Variants in ZBBX observed in about 807,000 individuals in gnomAD.
ZBBX encodes the protein zinc finger B-box domain containing.
ZBBX carries 101 observed loss-of-function variants against 108.5 expected under a neutral mutation model. The ratio of observed to expected loss-of-function variants is 0.93; its 90% CI spans 0.79 to 1.10. ZBBX has a LOEUF of 1.10. Ranked by LOEUF, ZBBX falls within the 50% of genes least tolerant of loss-of-function variation. The pLI is 0.00. For synonymous variants in ZBBX, 356 were observed against 323.4 expected, an observed-to-expected ratio of 1.10 and a Z score of -1.08; for missense variants, 1,009 against 941.4, an observed-to-expected ratio of 1.07 and a Z score of -0.94.
At chr3:167,248,185 T>C (rs1193954539) in intron 20 of ZBBX, among the ~76,000 whole-genome samples, 1 of 152,146 alleles carries the variant, frequency 6.6e-6, no homozygotes, top group Non-Finnish European at 1.5e-5. Context: ...TCCCTAGGCA[T>C]GCCAGCAGCA....
At chr3:167,204,577 T>C in the ZBBX span, among the ~76,000 whole-genome samples, 2 of 146,056 alleles carry the variant, frequency 1.4e-5, no homozygotes, top group Non-Finnish European at 3.1e-5. Context: ...GAACTCATCA[T>C]TTTTTATGGC....
intron 5 of ZBBX, among the ~76,000 whole-genome samples, chr3:167,367,075 G>A (rs150554239): frequency 4.6e-5 from 7 of 151,964 alleles, no homozygotes; most frequent in Non-Finnish European, 7.4e-5. Context: ...GTCATTAAAC[G>A]TTAAGAAGGT....
At chr3:167,354,190 G>T (rs985337347) in intron 8 of ZBBX, among the ~76,000 whole-genome samples, 1 of 151,714 alleles carries the variant, frequency 6.6e-6, no homozygotes, top group Non-Finnish European at 1.5e-5. Context: ...TCACATGGCT[G>T]ACTATGAGCT....
intron 4 of ZBBX, among the ~76,000 whole-genome samples, chr3:167,371,573 A>T (rs944679946): frequency 1.3e-5 from 2 of 152,166 alleles, no homozygotes; most frequent in Non-Finnish European, 1.5e-5. Flanking sequence ...ATCATTCCCT[A>T]GCACAGTGTA....
intron 6 of ZBBX, among the ~76,000 whole-genome samples, chr3:167,364,501 C>A (rs1745024440): frequency 6.6e-6 from 1 of 151,886 alleles, no homozygotes; most frequent in South Asian, 2.1e-4. Flanking sequence ...TTAGACAAGC[C>A]TGAGAGCTTA....
chr3:167,205,181 G>A, the ZBBX span, among the ~76,000 whole-genome samples: 3 of 152,118 alleles, frequency 2.0e-5, no homozygotes, highest in East Asian at 1.9e-4. Flanking sequence ...CATTAAAACC[G>A]TGAACTTTTC....
the ZBBX span, among the ~76,000 whole-genome samples, chr3:167,212,957 C>A: frequency 5.3e-5 from 8 of 152,086 alleles, no homozygotes; most frequent in Non-Finnish European, 1.0e-4. Context: ...CCCTCTGAAA[C>A]CAGAGACAAG....
intron 11 of ZBBX, among the ~76,000 whole-genome samples, chr3:167,325,085 C>T (rs1256391431): frequency 6.6e-6 from 1 of 152,094 alleles, no homozygotes; most frequent in Admixed American, 6.6e-5. Flanking sequence ...CTCATCTAAT[C>T]TGATTTGTTT....
At chr3:167,335,895 T>A (rs997593008) in intron 9 of ZBBX, among the ~76,000 whole-genome samples, 2 of 152,004 alleles carry the variant, frequency 1.3e-5, no homozygotes, top group Non-Finnish European at 2.9e-5. Context: ...TATAGGCCTA[T>A]ATAGTCCTTT....
intron 20 of ZBBX, among the ~76,000 whole-genome samples, chr3:167,271,816 T>A (rs542764382): frequency 6.6e-6 from 1 of 152,326 alleles, no homozygotes; most frequent in South Asian, 2.1e-4. Flanking sequence ...CTAAAGTATT[T>A]GTTATTAATA....
intron 1 of ZBBX, among the ~76,000 whole-genome samples, chr3:167,400,782 G>T (rs1748401615): frequency 6.6e-6 from 1 of 151,988 alleles, no homozygotes; most frequent in South Asian, 2.1e-4. Context: ...AACATTGATT[G>T]GTCCAGAAAA....
At chr3:167,348,369 A>AAAGAAAGAAAGAAAGAAAG (rs759038070) in intron 9 of ZBBX, among the ~76,000 whole-genome samples, 1 of 140,562 alleles carries the variant, frequency 7.1e-6, no homozygotes, top group Non-Finnish European at 1.6e-5. Context: ...AGAAAGAAAG[A>AAAGAAAGAAAGAAAGAAAG]AAAAAAAGAA....
chr3:167,282,110 G>T, intron 20 of ZBBX, 128 bp downstream of exon 20: 2 of 1,008,304 alleles, frequency 2.0e-6, no homozygotes, highest in Admixed American at 2.8e-5. Context: ...CACAACGGTT[G>T]ATGGTTAAAG....
At chr3:167,370,311 G>A (rs939196006) in intron 4 of ZBBX, among the ~76,000 whole-genome samples, 3 of 152,120 alleles carry the variant, frequency 2.0e-5, no homozygotes, top group Admixed American at 2.0e-4. Context: ...ACTGATTAGA[G>A]AGGGAACAAG....
the ZBBX span, among the ~76,000 whole-genome samples, chr3:167,220,138 C>A: frequency 6.6e-6 from 1 of 151,926 alleles, no homozygotes; most frequent in African/African-American, 2.4e-5. Context: ...AGCTTCACTG[C>A]TGAATTTTAC....
intron 9 of ZBBX, among the ~76,000 whole-genome samples, chr3:167,340,155 T>C (rs1740298582): frequency 6.6e-6 from 1 of 152,114 alleles, no homozygotes; most frequent in Non-Finnish European, 1.5e-5. Flanking sequence ...ATGGAATACA[T>C]TGCACTATGA....
At chr3:167,264,666 G>A (rs952619073) in intron 20 of ZBBX, among the ~76,000 whole-genome samples, 2 of 152,162 alleles carry the variant, frequency 1.3e-5, no homozygotes, top group Non-Finnish European at 2.9e-5. Context: ...CACCATTACA[G>A]TGTTATACTA....
chr3:167,347,349 C>T (rs1201368685), intron 9 of ZBBX, among the ~76,000 whole-genome samples: 3 of 151,916 alleles, frequency 2.0e-5, no homozygotes, highest in Admixed American at 6.6e-5. Flanking sequence ...CACACAGTTG[C>T]TTCTTTTTAG....
chr3:167,216,409 C>T, the ZBBX span, among the ~76,000 whole-genome samples: 1 of 151,698 alleles, frequency 6.6e-6, no homozygotes, highest in African/African-American at 2.4e-5. Flanking sequence ...TAGAATACAG[C>T]TAGCCAGGGA....
Sources: allele counts gnomAD v4.1 joint callset (sites outside exome capture counted in the v4.1 genomes callset), GRCh38; gene constraint gnomAD v4.1.1; transcripts MANE v1.5; gene names NCBI Gene and HGNC (gene_info 2026-07-23, HGNC 2026-07-21).